Variants in TOM1L1 observed in about 807,000 individuals in gnomAD.
TOM1L1 encodes the protein target of myb1 like 1 membrane trafficking protein, also known as TOM1-like protein 1.
TOM1L1 carries 64 observed loss-of-function variants against 63.4 expected under a neutral mutation model. The ratio of observed to expected loss-of-function variants is 1.01; its 90% CI spans 0.83 to 1.24. The LOEUF is 1.24. Among genes scored for constraint, TOM1L1 ranks in the 50% most tolerant of loss-of-function variants. The pLI, the probability that TOM1L1 is intolerant of heterozygous loss-of-function variation, is 0.00. For missense variants in TOM1L1, 536 were observed against 567.0 expected (o/e 0.95, Z 0.55); for synonymous variants, 166 against 194.4 (o/e 0.85, Z 1.22).
chr17:54,933,925 G>A (rs931182315), intron 8 of TOM1L1, among the ~76,000 whole-genome samples: 4 of 152,148 alleles, frequency 2.6e-5, no homozygotes, highest in Non-Finnish European at 4.4e-5. Flanking sequence ...CTCAAAGCAG[G>A]GAAGGGGGCT....
intron 4 of TOM1L1, among the ~76,000 whole-genome samples, 194 bp from the exon 5 acceptor site, chr17:54,913,554 T>C (rs1166104074): frequency 6.6e-6 from 1 of 150,972 alleles, no homozygotes; most frequent in Admixed American, 6.7e-5. Context: ...TAATCCCAGC[T>C]ACTCAGGAGG....
intron 14 of TOM1L1, among the ~76,000 whole-genome samples, chr17:54,951,725 ACT>A (rs1255342847): frequency 1.3e-5 from 2 of 152,162 alleles, no homozygotes; most frequent in East Asian, 3.9e-4. Flanking sequence ...TCATTTAGAT[ACT>A]CTGTCAACAC....
chr17:54,957,334 C>G (rs751250257), intron 14 of TOM1L1: 2 of 152,218 alleles, frequency 1.3e-5, no homozygotes, highest in Non-Finnish European at 2.9e-5. Context: ...CTAAGTCATT[C>G]TGCCTGATAG....
rs554201350 is a variant in TOM1L1 at position 54,904,299 on chromosome 17, G to A, written c.143+507G>A. 4.0e-5 allele frequency among the ~76,000 whole-genome samples: 6 copies of A among 151,474 alleles called. No individual in the cohort carries two copies. In the East Asian group the frequency reaches 1.2e-3, roughly 30 times the overall value. On this transcript the variant is annotated intron_variant, in intron 2 of 15. Transcript: ENST00000575882. ...GCAGGAGAATGGCGTGAGCCTGGGA[G>A]GTGGAGCTTGCAGTGAGCAGAGATC...
At chr17:54,940,884 C>T (rs1019846189) in intron 11 of TOM1L1, among the ~76,000 whole-genome samples, 1 of 152,064 alleles carries the variant, frequency 6.6e-6, no homozygotes, top group African/African-American at 2.4e-5. Context: ...TGCCTTATGC[C>T]AATGTCAATA....
intron 14 of TOM1L1, chr17:54,957,314 A>C (rs1388734270): frequency 1.3e-5 from 2 of 152,232 alleles, no homozygotes; most frequent in Non-Finnish European, 2.9e-5. Context: ...CTCAGGTTTG[A>C]GAAATTTCTC....
intron 11 of TOM1L1, among the ~76,000 whole-genome samples, chr17:54,947,044 G>A (rs112523877): frequency 7.2e-5 from 11 of 152,226 alleles, no homozygotes; most frequent in African/African-American, 1.7e-4. Flanking sequence ...TTAGTGTTCC[G>A]TGCACACTCC....
At chr17:54,915,644 G>A in intron 6 of TOM1L1, 102 bp from the exon 7 acceptor site, 1 of 684,816 alleles carries the variant, frequency 1.5e-6, no homozygotes, top group Non-Finnish European at 2.3e-6. Flanking sequence ...ATTAAATTTT[G>A]CAAAAGCATT....
chr17:54,913,435 G>C (rs1009106806), intron 4 of TOM1L1, among the ~76,000 whole-genome samples: 1 of 152,094 alleles, frequency 6.6e-6, no homozygotes, highest in African/African-American at 2.4e-5. Context: ...GGAGGCCGAG[G>C]TGGGCAGATC....
intron 7 of TOM1L1, among the ~76,000 whole-genome samples, chr17:54,922,086 G>C (rs1047317174): frequency 2.0e-5 from 3 of 151,738 alleles, no homozygotes; most frequent in African/African-American, 7.3e-5. Context: ...AGGTCAGGAG[G>C]TGGAGACCAT....
intron 15 of TOM1L1, 127 bp downstream of exon 15, chr17:54,960,754 C>T: frequency 2.9e-6 from 2 of 683,012 alleles, no homozygotes; most frequent in Non-Finnish European, 5.1e-6. Context: ...AATATGAGTT[C>T]CCCTGAATCA....
intron 8 of TOM1L1, among the ~76,000 whole-genome samples, chr17:54,934,301 C>T (rs921351854): frequency 1.3e-5 from 2 of 152,198 alleles, no homozygotes; most frequent in Non-Finnish European, 2.9e-5. Context: ...ATTTGCCTGA[C>T]GCAGTTCCCA....
intron 11 of TOM1L1, among the ~76,000 whole-genome samples, chr17:54,942,815 G>A (rs1340392984): frequency 2.0e-5 from 3 of 152,138 alleles, no homozygotes; most frequent in Non-Finnish European, 4.4e-5. Context: ...ACTGCCGTGT[G>A]CTATTCCTTT....
intron 8 of TOM1L1, among the ~76,000 whole-genome samples, chr17:54,932,062 C>T (rs1176294145): frequency 6.6e-6 from 1 of 151,224 alleles, no homozygotes; most frequent in Non-Finnish European, 1.5e-5. Flanking sequence ...TCAGGCGATT[C>T]TCCTGCCTCA....
At chr17:54,954,044 T>A (rs1343656126) in intron 14 of TOM1L1, 3 of 152,202 alleles carry the variant, frequency 2.0e-5, no homozygotes, top group African/African-American at 7.2e-5. Flanking sequence ...CATATTCCTA[T>A]AATGATGAAG....
intron 7 of TOM1L1, among the ~76,000 whole-genome samples, chr17:54,920,482 G>A (rs1286400461): frequency 1.3e-5 from 2 of 152,118 alleles, no homozygotes; most frequent in Non-Finnish European, 1.5e-5. Flanking sequence ...AGGCTAAACT[G>A]ACCATCAGGC....
chr17:54,930,047 A>G, intron 7 of TOM1L1, 26 bp from the exon 8 acceptor site: 1 of 1,613,874 alleles, frequency 6.2e-7, no homozygotes, highest in Non-Finnish European at 8.5e-7. Flanking sequence ...GTGTGGAAGA[A>G]GAAATCTCTC....
chr17:54,913,327 G>C (rs572264823), intron 4 of TOM1L1, among the ~76,000 whole-genome samples: 1 of 152,232 alleles, frequency 6.6e-6, no homozygotes, highest in South Asian at 2.1e-4. Context: ...CTTTCTGAGT[G>C]GGGTACATAA....
Position 54,914,652 on chromosome 17 carries a change from C to T in TOM1L1, c.512C>T (p.Ser171Leu), listed in dbSNP as rs2048557211. The T allele has an allele frequency of 1.2e-6, 2 of 1,613,502 alleles. No individual in the cohort carries two copies. Among genetic ancestry groups the T allele is most frequent in the Admixed American group, 1.7e-5 (1 of 60,012 alleles). The change falls in exon 6 of 16, where the codon TCA (serine) becomes TTA (leucine). Residue 171 changes from serine to leucine, a missense_variant. Physicochemically the swap from Ser to Leu is moderately radical, Grantham distance 145. Coordinates refer to ENST00000575882, the MANE Select transcript of TOM1L1 (RefSeq NM_005486.3). ...ETARQETAQI[S>L]SNPPTSVPTA... Reference sequence around the variant, plus strand: ...TCATACTCATAGACTGCTCAAATCTCATCAAATCCTCCAACATCTGTCCCT... The same window carrying T: ...TCATACTCATAGACTGCTCAAATCTTATCAAATCCTCCAACATCTGTCCCT...
Sources: allele counts gnomAD v4.1 joint callset (sites outside exome capture counted in the v4.1 genomes callset), GRCh38; gene constraint gnomAD v4.1.1; transcripts MANE v1.5; gene names NCBI Gene and HGNC (gene_info 2026-07-23, HGNC 2026-07-21).